Variants in TMEM132D observed in about 807,000 individuals in gnomAD.
The protein encoded by TMEM132D is transmembrane protein 132D.
TMEM132D carries 21 observed loss-of-function variants against 62.3 expected under a neutral mutation model. The observed-to-expected ratio is 0.34, with a 90% CI of 0.24 to 0.49. TMEM132D has a LOEUF of 0.49. TMEM132D is among the 20% of genes least tolerant of loss of function. The pLI is 0.99. For synonymous variants in TMEM132D, 621 were observed against 575.6 expected (o/e 1.08, Z -1.13); for missense variants, 1,346 against 1,402.8 (o/e 0.96, Z 0.65).
At chr12:129,254,778 A>T (rs1175482999) in intron 4 of TMEM132D, among the ~76,000 whole-genome samples, 1 of 151,910 alleles carries the variant, frequency 6.6e-6, no homozygotes, top group Non-Finnish European at 1.5e-5. Context: ...TCCTCTTCTG[A>T]TTTATATGAT....
At chr12:129,113,230 T>C (rs926044654) in intron 5 of TMEM132D, 1 of 152,170 alleles carries the variant, frequency 6.6e-6, no homozygotes, top group East Asian at 1.9e-4. Flanking sequence ...GTTGGAGGGA[T>C]GGATTTGAGA....
intron 3 of TMEM132D, among the ~76,000 whole-genome samples, chr12:129,420,893 A>G (rs538049774): frequency 1.8e-4 from 27 of 152,012 alleles, no homozygotes; most frequent in African/African-American, 6.3e-4. Flanking sequence ...GGTTTTTTAT[A>G]TAATCTCTAA....
chr12:129,778,494 G>A (rs1871020483), intron 1 of TMEM132D, among the ~76,000 whole-genome samples: 1 of 152,144 alleles, frequency 6.6e-6, no homozygotes, highest in African/African-American at 2.4e-5. Context: ...AAAGACACGT[G>A]AGCACTTGGC....
At chr12:129,500,673 T>A (rs1270236867) in intron 3 of TMEM132D, among the ~76,000 whole-genome samples, 1 of 152,212 alleles carries the variant, frequency 6.6e-6, no homozygotes. Context: ...GACCCGCTTT[T>A]CCTCCTTCCC....
At chr12:129,271,665 G>A (rs1232477019) in intron 4 of TMEM132D, among the ~76,000 whole-genome samples, 8 of 151,710 alleles carry the variant, frequency 5.3e-5, no homozygotes, top group African/African-American at 1.9e-4. Context: ...GCTGTGTTTG[G>A]TGTTCTGTTT....
At chr12:129,089,176 A>C (rs865899936) in intron 5 of TMEM132D, among the ~76,000 whole-genome samples, 3 of 26,782 alleles carry the variant, frequency 1.1e-4, no homozygotes, top group African/African-American at 1.1e-3. Flanking sequence ...GGTGTCCTCC[A>C]TGACCGGGAT....
intron 4 of TMEM132D, among the ~76,000 whole-genome samples, chr12:129,293,874 A>G (rs959294569): frequency 5.9e-5 from 9 of 152,142 alleles, no homozygotes; most frequent in African/African-American, 2.2e-4. Flanking sequence ...GTTCCTAACC[A>G]GCCACGGACC....
At chr12:129,583,159 G>A (rs1020901803) in intron 2 of TMEM132D, among the ~76,000 whole-genome samples, 6 of 152,218 alleles carry the variant, frequency 3.9e-5, no homozygotes, top group African/African-American at 1.4e-4. Context: ...TTTAAAAGAG[G>A]TTTTAGGAGA....
chr12:129,844,424 AT>A (rs1361775525), intron 1 of TMEM132D, among the ~76,000 whole-genome samples: 1 of 152,060 alleles, frequency 6.6e-6, no homozygotes, highest in Non-Finnish European at 1.5e-5. Flanking sequence ...CACTCTCCGG[AT>A]CCCCCATATC....
At chr12:129,081,137 A>G (rs1874434273) in intron 7 of TMEM132D, among the ~76,000 whole-genome samples, 1 of 152,194 alleles carries the variant, frequency 6.6e-6, no homozygotes, top group African/African-American at 2.4e-5. Context: ...AGATCAGGTA[A>G]GCTCACCTCA....
At chr12:129,835,936 A>AG (rs1181509511) in intron 1 of TMEM132D, among the ~76,000 whole-genome samples, 2 of 152,222 alleles carry the variant, frequency 1.3e-5, no homozygotes, top group African/African-American at 4.8e-5. Flanking sequence ...TACAACTCCC[A>AG]GATGCTCAAG....
chr12:129,633,269 A>C (rs1440706643), intron 2 of TMEM132D, among the ~76,000 whole-genome samples: 1 of 152,206 alleles, frequency 6.6e-6, no homozygotes, highest in Non-Finnish European at 1.5e-5. Flanking sequence ...CATGTGGAAA[A>C]TCAGACAAAT....
intron 2 of TMEM132D, among the ~76,000 whole-genome samples, chr12:129,667,103 G>A (rs1232265282): frequency 6.6e-6 from 1 of 152,084 alleles, no homozygotes; most frequent in Non-Finnish European, 1.5e-5. Flanking sequence ...ACTGATGTGG[G>A]GCCGGAATCT....
chr12:129,356,872 A>C (rs929876670), intron 3 of TMEM132D, among the ~76,000 whole-genome samples: 6 of 145,720 alleles, frequency 4.1e-5, no homozygotes, highest in Non-Finnish European at 9.0e-5. Context: ...AAGGAAGGAA[A>C]GAAAAGAAAG....
chr12:129,077,914 T>C (rs932127004), intron 8 of TMEM132D, among the ~76,000 whole-genome samples: 4 of 150,360 alleles, frequency 2.7e-5, no homozygotes, highest in African/African-American at 7.5e-5. Context: ...ACACAACACA[T>C]AGACACACAA....
intron 2 of TMEM132D, among the ~76,000 whole-genome samples, chr12:129,590,673 T>C (rs1370191197): frequency 1.3e-5 from 2 of 152,176 alleles, no homozygotes; most frequent in Non-Finnish European, 2.9e-5. Flanking sequence ...CCGTCTGTTT[T>C]TCCTTAGGCT....
rs1332016777 is a variant in TMEM132D at position 129,903,346 on chromosome 12, G to T, written c.-7C>A. 6.4e-7 allele frequency: 1 copy of T among 1,551,704 alleles called. No homozygotes were observed. The highest frequency in any genetic ancestry group is 2.4e-5 in the East Asian group (1 of 40,874). Reference sequence around the variant, plus strand: ...CCATCTCAGACGGGCACATCCTGGAGACCCGGAGCGCAGATCCTCCGCTCC... The same window carrying T: ...CCATCTCAGACGGGCACATCCTGGATACCCGGAGCGCAGATCCTCCGCTCC... On this transcript the variant is annotated 5_prime_UTR_variant, in exon 1 of 9. Coordinates refer to ENST00000422113, the MANE Select transcript of TMEM132D (RefSeq NM_133448.3). The surrounding 1 kb of genome is among the most constrained non-coding windows in gnomAD (Gnocchi z 6.2).
At chr12:129,775,233 T>C (rs1870880112) in intron 1 of TMEM132D, among the ~76,000 whole-genome samples, 1 of 152,220 alleles carries the variant, frequency 6.6e-6, no homozygotes, top group Non-Finnish European at 1.5e-5. Flanking sequence ...AGGTATTCCT[T>C]CTCTTTCCTA....
At chr12:129,638,337 A>G (rs1879541365) in intron 2 of TMEM132D, among the ~76,000 whole-genome samples, 1 of 152,112 alleles carries the variant, frequency 6.6e-6, no homozygotes, top group African/African-American at 2.4e-5. Context: ...TATGTGACAC[A>G]TCGGAGGGTA....
Sources: gnomAD v4.1 joint callset for allele counts (sites outside exome capture counted in the v4.1 genomes callset) on GRCh38, gnomAD v4.1.1 for gene constraint, Gnocchi (gnomAD v3.1) non-coding constraint, MANE v1.5 for transcripts, NCBI Gene and HGNC (gene_info 2026-07-23, HGNC 2026-07-21) for gene names.